PPP4R3B: variants seen among roughly 807,000 people sequenced by gnomAD.
PPP4R3B encodes protein phosphatase 4 regulatory subunit 3B, also known as serine/threonine-protein phosphatase 4 regulatory subunit 3B.
PPP4R3B carries 52 observed loss-of-function variants against 95.4 expected under a neutral mutation model. That is an observed-to-expected ratio of 0.54 (90% CI 0.44 to 0.69). PPP4R3B has a LOEUF of 0.69. PPP4R3B is among the 30% of genes least tolerant of loss of function. PPP4R3B has a pLI of 0.00. For missense variants in PPP4R3B, 1,003 were observed against 1,005.9 expected (o/e 1.00, Z 0.04); for synonymous variants, 407 against 343.9 (o/e 1.18, Z -2.03).
At chr2:55,595,938 G>A (rs1463217251) in intron 4 of PPP4R3B, among the ~76,000 whole-genome samples, 2 of 152,154 alleles carry the variant, frequency 1.3e-5, no homozygotes, top group Non-Finnish European at 2.9e-5. Context: ...GCAGAAAGCT[G>A]AGTATAGGCT....
At chr2:55,601,106 CT>C (rs2103706627) in intron 3 of PPP4R3B, among the ~76,000 whole-genome samples, 1 of 145,698 alleles carries the variant, frequency 6.9e-6, no homozygotes, top group East Asian at 2.1e-4. Flanking sequence ...GATCACACCA[CT>C]GCATTCTAGC....
intron 15 of PPP4R3B, among the ~76,000 whole-genome samples, chr2:55,560,242 A>C (rs888829506): frequency 2.0e-5 from 3 of 152,232 alleles, no homozygotes; most frequent in African/African-American, 7.2e-5. Flanking sequence ...GAACTTCCTA[A>C]AGACTTGTTG....
At chr2:55,589,887 G>T (rs1690725649) in intron 4 of PPP4R3B, among the ~76,000 whole-genome samples, 1 of 139,258 alleles carries the variant, frequency 7.2e-6, no homozygotes, top group African/African-American at 2.8e-5. Context: ...CTGTATTCCA[G>T]CCTGGACAAA....
chr2:55,584,330 T>C (rs533587018), intron 7 of PPP4R3B, among the ~76,000 whole-genome samples: 1 of 152,262 alleles, frequency 6.6e-6, no homozygotes, highest in East Asian at 1.9e-4. Context: ...GTCTCATTAT[T>C]AAACTGTCTT....
chr2:55,556,113 T>C (rs1409852108), intron 16 of PPP4R3B, among the ~76,000 whole-genome samples: 14 of 152,238 alleles, frequency 9.2e-5, no homozygotes, highest in Non-Finnish European at 4.4e-5. Flanking sequence ...ATAAAGAATC[T>C]GTCACCACTT....
At chr2:55,589,100 T>A (rs1690595262) in intron 4 of PPP4R3B, 144 bp from the exon 5 acceptor site, 1 of 549,730 alleles carries the variant, frequency 1.8e-6, no homozygotes, top group Non-Finnish European at 3.1e-6. Flanking sequence ...ATTTCTGTGT[T>A]ACAATTTTCT....
At chr2:55,593,466 C>G (rs755452358) in intron 4 of PPP4R3B, among the ~76,000 whole-genome samples, 1 of 152,198 alleles carries the variant, frequency 6.6e-6, no homozygotes, top group Non-Finnish European at 1.5e-5. Flanking sequence ...CCTTCTACAA[C>G]TCACACAGCA....
At chr2:55,604,518 T>G (rs774633056) in intron 2 of PPP4R3B, among the ~76,000 whole-genome samples, 1 of 152,050 alleles carries the variant, frequency 6.6e-6, no homozygotes. Flanking sequence ...AACTCTATTT[T>G]TGCCTTTTTT....
chr2:55,578,390 A>G (rs1273308004), intron 9 of PPP4R3B, 48 bp from the exon 10 acceptor site: 4 of 1,272,380 alleles, frequency 3.1e-6, no homozygotes, highest in Non-Finnish European at 4.0e-6. Context: ...AACAGGGAGT[A>G]TATGAGTGTC....
chr2:55,595,380 A>T (rs541559265), intron 4 of PPP4R3B, among the ~76,000 whole-genome samples: 14 of 151,818 alleles, frequency 9.2e-5, no homozygotes, highest in Non-Finnish European at 1.9e-4. Flanking sequence ...CTATAATCTC[A>T]GCACTTTGGG....
intron 4 of PPP4R3B, among the ~76,000 whole-genome samples, chr2:55,596,867 G>T (rs2103627992): frequency 6.6e-6 from 1 of 152,336 alleles, no homozygotes; most frequent in Non-Finnish European, 1.5e-5. Context: ...GGGAGGCTGA[G>T]GCAGGAGAAT....
intron 7 of PPP4R3B, among the ~76,000 whole-genome samples, chr2:55,581,990 A>G (rs961766819): frequency 2.0e-5 from 3 of 152,132 alleles, no homozygotes; most frequent in African/African-American, 7.2e-5. Flanking sequence ...ATTCTTTAGC[A>G]GTAGTTCTTG....
At chr2:55,560,541 G>C (rs993195189) in intron 15 of PPP4R3B, among the ~76,000 whole-genome samples, 7 of 152,134 alleles carry the variant, frequency 4.6e-5, no homozygotes, top group African/African-American at 1.4e-4. Flanking sequence ...CACTTTGGGA[G>C]GCTGAGACAA....
intron 6 of PPP4R3B, 52 bp from the exon 7 acceptor site, chr2:55,585,219 C>T (rs745961629): frequency 3.7e-6 from 5 of 1,356,098 alleles, no homozygotes; most frequent in Non-Finnish European, 5.1e-6. Context: ...AAGTTATTCT[C>T]ACATTTCTTT....
intron 2 of PPP4R3B, among the ~76,000 whole-genome samples, chr2:55,610,333 A>T (rs1693994211): frequency 1.3e-5 from 2 of 152,090 alleles, no homozygotes; most frequent in Non-Finnish European, 1.5e-5. Flanking sequence ...TCATTTCTTT[A>T]AACACAGTAT....
At chr2:55,586,139 A>G (rs942599591) in intron 6 of PPP4R3B, among the ~76,000 whole-genome samples, 12 of 152,214 alleles carry the variant, frequency 7.9e-5, no homozygotes, top group Non-Finnish European at 1.3e-4. Context: ...TGTGGTGAAA[A>G]AAGTTCTATT....
chr2:55,586,551 C>T (rs1690176678), intron 6 of PPP4R3B, 67 bp downstream of exon 6: 1 of 834,922 alleles, frequency 1.2e-6, no homozygotes, highest in Admixed American at 2.3e-5. Context: ...ATATATTTTC[C>T]CATCCATAAC....
chr2:55,583,826 T>G (rs1207504607), intron 7 of PPP4R3B, among the ~76,000 whole-genome samples: 1 of 152,214 alleles, frequency 6.6e-6, no homozygotes. Flanking sequence ...ATTAAAAGAT[T>G]AAATGCAAAA....
intron 3 of PPP4R3B, among the ~76,000 whole-genome samples, chr2:55,601,946 A>G (rs930670593): frequency 2.6e-5 from 4 of 152,172 alleles, no homozygotes; most frequent in Non-Finnish European, 4.4e-5. Context: ...AAACTAAACT[A>G]AACTAAGAAA....
Sources: gnomAD v4.1 joint callset for allele counts (sites outside exome capture counted in the v4.1 genomes callset) on GRCh38, gnomAD v4.1.1 for gene constraint, MANE v1.5 for transcripts, NCBI Gene and HGNC (gene_info 2026-07-23, HGNC 2026-07-21) for gene names.